LAMP1: variants seen among roughly 807,000 people sequenced by gnomAD.
LAMP1 encodes the protein lysosome-associated membrane glycoprotein 1.
Under a neutral mutation model 37.5 loss-of-function variants are expected in LAMP1, and 7 were observed. The ratio of observed to expected loss-of-function variants is 0.19; its 90% confidence interval spans 0.11 to 0.35. LAMP1 has a LOEUF of 0.35. Among genes scored for constraint, LAMP1 ranks in the 10% least tolerant of loss-of-function variants. The probability of loss-of-function intolerance (pLI) is 1.00; values close to 1 mark genes in which losing one functional copy is unlikely to be tolerated. For synonymous variants in LAMP1, 236 were observed against 229.1 expected (o/e 1.03, Z -0.27); for missense variants, 537 against 552.8 (o/e 0.97, Z 0.29).
intron 8 of LAMP1, 105 bp from the exon 9 acceptor site, chr13:113,322,177 G>T (rs1022034114): frequency 3.1e-6 from 4 of 1,310,974 alleles, no homozygotes; most frequent in African/African-American, 1.5e-5. Flanking sequence ...TTCCGCCAGG[G>T]TTCCTCTTTG....
rs906294000 is a variant in LAMP1, at chr13:113,321,919, C to T, written c.1114+192C>T. 2.8e-5 allele frequency: 17 copies of T among 613,134 alleles called. No homozygotes were observed. The highest frequency in any genetic ancestry group is 4.0e-5 in the Non-Finnish European group (14 of 350,694). 38.0% of individuals were successfully genotyped at this position (613,134 alleles called of 1,614,324 possible). A position where few individuals can be genotyped will look rare whatever the true frequency, so the allele number is the denominator to read the frequency against. The stretch of plus-strand genomic sequence containing the variant: ...TAGAGAGGCCCAGCGTGTCTCTCAG[C>T]TGGGAGCCCCTGGTACCATTTGAGA... On this transcript the variant is annotated intron_variant, in intron 8 of 8. Transcript: ENST00000332556. This position sits in a 1 kb window ranked among gnomAD's most constrained non-coding sequence, Gnocchi z 5.6.
chr13:113,312,617 G>T (rs1283286066), intron 4 of LAMP1, among the ~76,000 whole-genome samples: 1 of 152,224 alleles, frequency 6.6e-6, no homozygotes, highest in African/African-American at 2.4e-5. Flanking sequence ...TGGGTCCTCT[G>T]TAGGTGCTGC....
intron 1 of LAMP1, among the ~76,000 whole-genome samples, chr13:113,303,203 A>G (rs1347942997): frequency 2.0e-5 from 3 of 152,200 alleles, no homozygotes; most frequent in Non-Finnish European, 4.4e-5. Flanking sequence ...GCTACTGGCC[A>G]TGGTTGCACA....
Position 113,306,834 on chromosome 13 carries a change from CTTT to C in LAMP1, c.183+249_183+251del, listed in dbSNP as rs780041684. Reference sequence around the variant, plus strand: ...CTCACTGTTCATCATGAACATTTTCCTTTTTTTTTTTTTTTTTTTTTTTGAGAC... The same window carrying C: ...CTCACTGTTCATCATGAACATTTTCCTTTTTTTTTTTTTTTTTTTTGAGAC... On this transcript the variant is annotated intron_variant, in intron 2 of 8. Coordinates refer to ENST00000332556, the MANE Select transcript of LAMP1 (RefSeq NM_005561.4). 2.9e-3 allele frequency among the ~76,000 whole-genome samples: 232 copies of C among 80,156 alleles called. 2 individuals carry two copies. Among genetic ancestry groups the C allele is most frequent in the African/African-American group, 9.4e-3 (194 of 20,578 alleles). The allele number at this position is 80,156 out of a possible 152,430, so 52.6% of individuals were successfully genotyped here. A position where few individuals can be genotyped will look rare whatever the true frequency, so the allele number is the denominator to read the frequency against.
chr13:113,301,753 A>T (rs2042575689), intron 1 of LAMP1, among the ~76,000 whole-genome samples: 1 of 145,292 alleles, frequency 6.9e-6, no homozygotes, highest in Non-Finnish European at 1.5e-5. Context: ...CTGGGATGGT[A>T]TTTTTTTCCT....
rs755089559 is a variant in LAMP1, at chr13:113,306,559, T to C, written c.136T>C (p.Phe46Leu). 6.2e-7 allele frequency: 1 copy of C among 1,614,154 alleles called. No homozygotes were observed. The highest frequency in any genetic ancestry group is 1.3e-5 in the African/African-American group (1 of 75,044). The change falls in exon 2 of 9, where the codon TTC (phenylalanine) becomes CTC (leucine). Residue 46 changes from phenylalanine to leucine, a missense_variant. By Grantham distance (22) the Phe-to-Leu change is conservative. Transcript: ENST00000332556. ...GNGTACIMAN[F>L]SAAFSVNYDT... Reference sequence around the variant, plus strand: ...CGGGACCGCGTGCATAATGGCCAACTTCTCTGCTGCCTTCTCAGTGAACTA... The same window carrying C: ...CGGGACCGCGTGCATAATGGCCAACCTCTCTGCTGCCTTCTCAGTGAACTA...
intron 1 of LAMP1, among the ~76,000 whole-genome samples, chr13:113,301,627 TAAAA>T (rs1161593860): frequency 0.079 from 703 of 8,848 alleles, 8 homozygotes; most frequent in South Asian, 0.11. Context: ...TGTTTCCATT[TAAAA>T]AAAAAAAAAA....
Position 113,320,773 on chromosome 13 carries a change from C to T in LAMP1, c.876+303C>T, listed in dbSNP as rs1201314630. The T allele has an allele frequency of 2.5e-6, 1 of 399,194 alleles. No homozygotes were observed. Among genetic ancestry groups the T allele is most frequent in the Non-Finnish European group, 4.5e-6 (1 of 219,846 alleles). 24.7% of individuals were successfully genotyped at this position (399,194 alleles called of 1,614,324 possible). ...CTGCTGCCCTGTGGTTCCGTGGTGG[C>T]ATTTCTGCCTGGGAGGACTCCTGTG... is the stretch of plus-strand genomic sequence containing the variant. On this transcript the variant is annotated intron_variant, in intron 6 of 8. Transcript: ENST00000332556. This position sits in a 1 kb window ranked among gnomAD's most constrained non-coding sequence, Gnocchi z 4.4.
chr13:113,304,935 G>A (rs1022552825), intron 1 of LAMP1: 1 of 152,230 alleles, frequency 6.6e-6, no homozygotes, highest in African/African-American at 2.4e-5. Context: ...TGGGATTACA[G>A]GCGTGAGCCA....
intron 4 of LAMP1, among the ~76,000 whole-genome samples, chr13:113,312,605 G>A (rs1215660386): frequency 6.6e-6 from 1 of 152,254 alleles, no homozygotes; most frequent in South Asian, 2.1e-4. Flanking sequence ...ACACTTAGGA[G>A]CTGGGTCCTC....
intron 2 of LAMP1, among the ~76,000 whole-genome samples, chr13:113,309,421 A>G (rs1194750721): frequency 6.6e-6 from 1 of 152,164 alleles, no homozygotes; most frequent in Non-Finnish European, 1.5e-5. Context: ...GATTATATGA[A>G]TTATTAAGCC....
chr13:113,315,317 C>A (rs1407212662), intron 4 of LAMP1, among the ~76,000 whole-genome samples: 1 of 140,318 alleles, frequency 7.1e-6, no homozygotes, highest in Non-Finnish European at 1.5e-5. Flanking sequence ...GCCTGGGGCG[C>A]GGCGTCCTGG....
chr13:113,297,430 G>T lies in LAMP1; in HGVS notation c.-5G>T, dbSNP rs563930959. The T allele has an allele frequency of 2.1e-6, 2 of 967,708 alleles. No homozygotes were observed. The highest frequency in any genetic ancestry group is 3.4e-5 in the East Asian group (1 of 29,542). 59.9% of individuals were successfully genotyped at this position (967,708 alleles called of 1,614,324 possible). ...TCCCCGCACCGTACCCGGCCGCCTC[G>T]CGCCATGGCGGCCCCCGGCAGCGCC... On this transcript the variant is annotated 5_prime_UTR_variant, in exon 1 of 9. Coordinates refer to ENST00000332556, the MANE Select transcript of LAMP1 (RefSeq NM_005561.4). The surrounding 1 kb of genome is among the most constrained non-coding windows in gnomAD (Gnocchi z 4.4).
chr13:113,297,576 C>T lies in LAMP1; in HGVS notation c.61+81C>T, dbSNP rs1298669020. ...CTGGGTCTTGAGGGCGGGGGACTGC[C>T]GGGTCGTTGTCCCGCGGGTCGCCCC... On this transcript the variant is annotated intron_variant, in intron 1 of 8. Coordinates refer to ENST00000332556, the MANE Select transcript of LAMP1 (RefSeq NM_005561.4). The surrounding 1 kb of genome is among the most constrained non-coding windows in gnomAD (Gnocchi z 4.4). The T allele has an allele frequency of 1.7e-6, 2 of 1,177,650 alleles. No homozygotes were observed. The highest frequency in any genetic ancestry group is 1.6e-5 in the African/African-American group (1 of 62,580). The allele number at this position is 1,177,650 out of a possible 1,614,324, so 73.0% of individuals were successfully genotyped here.
chr13:113,317,025 A>G (rs1184233510), intron 4 of LAMP1, among the ~76,000 whole-genome samples: 1 of 152,180 alleles, frequency 6.6e-6, no homozygotes, highest in East Asian at 1.9e-4. Context: ...TGAGTCGGGA[A>G]CCTGGGTGCA....
At position 113,309,721 on chromosome 13, in the gene LAMP1, C is replaced by G; in HGVS notation, c.262C>G (p.Pro88Ala). ...CTGTGGAAAAGAGAACACTTCTGACCCCAGTCTCGTGATTGCTTTTGGAAG... is the reference window on the plus strand; with the variant it reads ...CTGTGGAAAAGAGAACACTTCTGACGCCAGTCTCGTGATTGCTTTTGGAAG... ...SSCGKENTSD[P>A]SLVIAFGRGH... is the part of the protein sequence containing the mutation. The change falls in exon 3 of 9, where the codon CCC (proline) becomes GCC (alanine). Residue 88 changes from proline (P) to alanine (A), a missense_variant. Pro to Ala is a conservative substitution (Grantham distance 27). Transcript: ENST00000332556. 6.2e-7 allele frequency: 1 copy of G among 1,614,160 alleles called. No homozygotes were observed. Among genetic ancestry groups the G allele is most frequent in the South Asian group, 1.1e-5 (1 of 91,080 alleles).
At chr13:113,310,253 C>T (rs1355899074) in intron 3 of LAMP1, among the ~76,000 whole-genome samples, 2 of 147,290 alleles carry the variant, frequency 1.4e-5, no homozygotes, top group South Asian at 2.2e-4. Flanking sequence ...CACAGCCAGG[C>T]GCGGTGGCTC....
chr13:113,303,191 C>G (rs1009248805), intron 1 of LAMP1, among the ~76,000 whole-genome samples: 2 of 152,222 alleles, frequency 1.3e-5, no homozygotes, highest in Admixed American at 6.5e-5. Context: ...GGATTGGGCT[C>G]TGCTACTGGC....
intron 3 of LAMP1, among the ~76,000 whole-genome samples, chr13:113,310,474 C>G (rs970321061): frequency 6.6e-6 from 1 of 152,092 alleles, no homozygotes; most frequent in African/African-American, 2.4e-5. Context: ...TGCAGTGAGC[C>G]GAGATCACGC....
Sources: allele counts gnomAD v4.1 joint callset (sites outside exome capture counted in the v4.1 genomes callset), GRCh38; gene constraint gnomAD v4.1.1; non-coding constraint Gnocchi (gnomAD v3.1); transcripts MANE v1.5; gene names NCBI Gene and HGNC (gene_info 2026-07-23, HGNC 2026-07-21).